CCNB3: variants seen among roughly 807,000 people sequenced by gnomAD.
The protein encoded by CCNB3 is G2/mitotic-specific cyclin-B3.
Under a neutral mutation model 68.0 loss-of-function variants are expected in CCNB3, and 12 were observed. The ratio of observed to expected loss-of-function variants is 0.18; its 90% CI spans 0.11 to 0.29. The LOEUF is 0.29. CCNB3 is among the 10% of genes least tolerant of loss of function. The pLI, the probability that CCNB3 is intolerant of heterozygous loss-of-function variation, is 1.00. For synonymous variants in CCNB3, 354 were observed against 388.9 expected (o/e 0.91, Z 1.06); for missense variants, 904 against 993.1 (o/e 0.91, Z 1.21).
intron 1 of CCNB3, among the ~76,000 whole-genome samples, chrX:50,220,175 G>A (rs902209772): frequency 1.4e-4 from 16 of 111,497 alleles, no homozygotes; most frequent in African/African-American, 4.9e-4. Context: ...GGGCTGAGAC[G>A]ATGGGGTTTT....
Position 50,205,519 on chromosome X carries a change from A to G in CCNB3, c.-113+569A>G, listed in dbSNP as rs1270231939. On this transcript the variant is annotated intron_variant, in intron 1 of 12. Transcript: ENST00000376042. ...TGCCCTGCAGATAGTGTATCAGTGA[A>G]TGAATGTATTAAACATTACAGCTGG... is the stretch of plus-strand genomic sequence containing the variant. Among the ~76,000 whole-genome samples the G allele has an allele frequency of 7.2e-5, 8 of 111,491 alleles. No individual in the cohort carries two copies. In the East Asian group the frequency reaches 2.3e-3, roughly 31 times the overall value.
chrX:50,210,824 A>G (rs1935470194), intron 1 of CCNB3, among the ~76,000 whole-genome samples: 2 of 111,895 alleles, frequency 1.8e-5, no homozygotes, highest in African/African-American at 6.5e-5. Context: ...TATTGATTAT[A>G]TATTATAAAT....
intron 12 of CCNB3, 115 bp downstream of exon 12, chrX:50,351,486 T>C (rs944244468): frequency 1.9e-6 from 2 of 1,052,811 alleles, no homozygotes; most frequent in African/African-American, 3.7e-5. Flanking sequence ...CTTTTCACCT[T>C]CCTTTCTACT....
intron 11 of CCNB3, among the ~76,000 whole-genome samples, chrX:50,349,016 C>T (rs1220097755): frequency 1.8e-5 from 2 of 112,881 alleles, no homozygotes; most frequent in Admixed American, 9.3e-5. Context: ...TAAACCAGGG[C>T]ATATCAGCTA....
At chrX:50,220,812 C>T (rs1442502276) in intron 1 of CCNB3, among the ~76,000 whole-genome samples, 1 of 111,700 alleles carries the variant, frequency 9.0e-6, no homozygotes, top group Non-Finnish European at 1.9e-5. Flanking sequence ...AGGAGTACCT[C>T]TTTTTCTATT....
intron 1 of CCNB3, among the ~76,000 whole-genome samples, chrX:50,206,704 T>C (rs1935372267): frequency 9.5e-6 from 1 of 104,943 alleles, no homozygotes; most frequent in Admixed American, 1.0e-4. Context: ...AAGGCAAGAG[T>C]CTGAGTTTGA....
rs1361623056 is a variant in CCNB3 at position 50,295,105 on chromosome X, C to A, written c.335+112C>A. Reference sequence around the variant, plus strand: ...GCCACAATGGTGACTACCACATTAACCCTGGGTGCTGAGGTGGGCTCAGCT... The same window carrying A: ...GCCACAATGGTGACTACCACATTAAACCTGGGTGCTGAGGTGGGCTCAGCT... On this transcript the variant is annotated intron_variant, in intron 5 of 12. Coordinates refer to ENST00000376042, the MANE Select transcript of CCNB3 (RefSeq NM_033031.3). The A allele has an allele frequency of 4.9e-6, 4 of 814,506 alleles. No individual in the cohort carries two copies. In the Admixed American group the frequency reaches 1.2e-4, roughly 25 times the overall value. The allele number at this position is 814,506 out of a possible 1,213,427, so 67.1% of individuals were successfully genotyped here. A position where few individuals can be genotyped will look rare whatever the true frequency, so the allele number is the denominator to read the frequency against.
chrX:50,343,454 A>T (rs1923239940), intron 9 of CCNB3, among the ~76,000 whole-genome samples: 2 of 112,228 alleles, frequency 1.8e-5, no homozygotes, highest in South Asian at 7.4e-4. Flanking sequence ...CTGTAATCCC[A>T]GCACTTGGGG....
intron 8 of CCNB3, among the ~76,000 whole-genome samples, chrX:50,319,877 T>C (rs1306300686): frequency 3.6e-5 from 4 of 112,013 alleles, no homozygotes; most frequent in African/African-American, 1.3e-4. Context: ...TGATTTTTTT[T>C]TGTTTTAGCC....
chrX:50,226,557 A>G (rs1238449947), intron 1 of CCNB3, among the ~76,000 whole-genome samples: 1 of 74,642 alleles, frequency 1.3e-5, no homozygotes, highest in African/African-American at 5.4e-5. Context: ...TATATAGAAT[A>G]TATATATAAA....
chrX:50,318,341 C>T (rs1373811735), intron 8 of CCNB3, among the ~76,000 whole-genome samples: 4 of 110,146 alleles, frequency 3.6e-5, no homozygotes, highest in African/African-American at 9.9e-5. Context: ...GTGAAACCTC[C>T]GTCTCTACTA....
At chrX:50,339,354 G>A (rs1421050011) in intron 8 of CCNB3, among the ~76,000 whole-genome samples, 3 of 112,222 alleles carry the variant, frequency 2.7e-5, no homozygotes, top group Admixed American at 9.4e-5. Flanking sequence ...GCATTCTTTC[G>A]AGTTTCTGAT....
chrX:50,339,780 A>C, intron 8 of CCNB3, among the ~76,000 whole-genome samples: 1 of 111,416 alleles, frequency 9.0e-6, no homozygotes, highest in Non-Finnish European at 1.9e-5. Flanking sequence ...CACATGGCAA[A>C]AGCAGGGGCA....
chrX:50,325,896 T>C (rs964490603), intron 8 of CCNB3, among the ~76,000 whole-genome samples: 1 of 111,660 alleles, frequency 9.0e-6, no homozygotes, highest in Non-Finnish European at 1.9e-5. Flanking sequence ...CTCATCACTT[T>C]TTTAAAGTTT....
chrX:50,324,099 G>C (rs1337498242), intron 8 of CCNB3, among the ~76,000 whole-genome samples: 4 of 112,249 alleles, frequency 3.6e-5, no homozygotes, highest in African/African-American at 1.3e-4. Context: ...CGCCACCTTG[G>C]CTCACCGCAA....
At chrX:50,205,862 C>T (rs1470349758) in intron 1 of CCNB3, among the ~76,000 whole-genome samples, 12 of 106,183 alleles carry the variant, frequency 1.1e-4, no homozygotes, top group Non-Finnish European at 1.2e-4. Flanking sequence ...GCAGGAGAAT[C>T]ACTTGAGTCC....
At chrX:50,279,583 T>G (rs1392107696) in intron 1 of CCNB3, among the ~76,000 whole-genome samples, 3 of 88,286 alleles carry the variant, frequency 3.4e-5, no homozygotes, top group African/African-American at 1.2e-4. Context: ...TATATATAAA[T>G]ATATATTCAT....
chrX:50,228,414 T>G (rs1935967301), intron 1 of CCNB3, among the ~76,000 whole-genome samples: 1 of 92,669 alleles, frequency 1.1e-5, no homozygotes, highest in African/African-American at 3.8e-5. Flanking sequence ...AGAGGATATA[T>G]CTATGTAGAA....
At chrX:50,297,943 G>A (rs1468882080) in intron 5 of CCNB3, among the ~76,000 whole-genome samples, 2 of 111,373 alleles carry the variant, frequency 1.8e-5, no homozygotes, top group African/African-American at 6.5e-5. Context: ...GTCTGTTATT[G>A]GTGTATAAGA....
Sources: gnomAD v4.1 joint callset for allele counts (sites outside exome capture counted in the v4.1 genomes callset) on GRCh38, gnomAD v4.1.1 for gene constraint, MANE v1.5 for transcripts, NCBI Gene and HGNC (gene_info 2026-07-23, HGNC 2026-07-21) for gene names.